Variants in CCDC175 observed in about 807,000 individuals in gnomAD.
CCDC175 encodes the protein coiled-coil domain containing 175.
Under a neutral mutation model 114.6 loss-of-function variants are expected in CCDC175, and 100 were observed. The observed-to-expected ratio is 0.87, with a 90% CI of 0.74 to 1.03. CCDC175 has a LOEUF of 1.03. Ranked by LOEUF, CCDC175 falls within the 50% of genes least tolerant of loss-of-function variation. The pLI, the probability that CCDC175 is intolerant of heterozygous loss-of-function variation, is 0.00. For synonymous variants in CCDC175, 306 were observed against 308.7 expected (o/e 0.99, Z 0.09); for missense variants, 880 against 917.8 (o/e 0.96, Z 0.53).
At chr14:59,526,549 C>A (rs1265543153) in intron 15 of CCDC175, among the ~76,000 whole-genome samples, 2 of 126,876 alleles carry the variant, frequency 1.6e-5, no homozygotes, top group African/African-American at 6.5e-5. Context: ...GAGTGAGACT[C>A]CATCTCAAAA....
intron 16 of CCDC175, among the ~76,000 whole-genome samples, chr14:59,522,917 T>G (rs1056329517): frequency 6.6e-6 from 1 of 152,208 alleles, no homozygotes; most frequent in African/African-American, 2.4e-5. Context: ...ATCTTACTTA[T>G]CTCTGTATTT....
intron 13 of CCDC175, among the ~76,000 whole-genome samples, chr14:59,532,382 G>C (rs1361993880): frequency 2.6e-5 from 4 of 152,222 alleles, no homozygotes; most frequent in African/African-American, 4.8e-5. Context: ...GAAGATGCCT[G>C]CCTACTTATT....
intron 17 of CCDC175, among the ~76,000 whole-genome samples, chr14:59,516,946 C>A (rs1161121023): frequency 6.6e-6 from 1 of 152,204 alleles, no homozygotes; most frequent in Admixed American, 6.5e-5. Flanking sequence ...CCGAATCCAG[C>A]AGCACATCAA....
chr14:59,511,882 GTT>G, intron 17 of CCDC175, 79 bp from the exon 18 acceptor site: 1 of 1,110,414 alleles, frequency 9.0e-7, no homozygotes, highest in Non-Finnish European at 1.3e-6. Context: ...ATTCATTTTT[GTT>G]TTTTCAAAAA....
In CCDC175 at chr14:59,543,411, G is replaced by T; in HGVS notation, c.1216C>A (p.Leu406Met). 1 of 1,473,370 alleles carries T rather than the reference G, an allele frequency of 6.8e-7. No homozygotes were observed. 91.3% of individuals were successfully genotyped at this position (1,473,370 alleles called of 1,614,324 possible). Residue 406 changes from leucine to methionine, a missense_variant, in exon 10 of 20, where the codon CTG becomes ATG. Transcript: ENST00000537690. ...TTGATGTCTACTCTCTTTTGTGACA[G>T]AAAGTATTCTTTCTGAGAAATAAAT... Reference protein sequence around the residue: ...LTFISQKEYFLSQKRVDIKNM... With the variant: ...LTFISQKEYFMSQKRVDIKNM...
In CCDC175 at chr14:59,563,796, A is replaced by G; in HGVS notation, c.784T>C (p.Leu262=). 3 of 1,436,188 alleles carry G rather than the reference A, an allele frequency of 2.1e-6. No homozygotes were observed. Among genetic ancestry groups the G allele is most frequent in the Non-Finnish European group, 2.7e-6 (3 of 1,093,568 alleles). 89.0% of individuals were successfully genotyped at this position (1,436,188 alleles called of 1,614,324 possible). ...GACATTTTAGTTTGTAATTTATCCAATTCTTTCTTCTTTTGATAAGTCTCC... is the reference window on the plus strand; with the variant it reads ...GACATTTTAGTTTGTAATTTATCCAGTTCTTTCTTCTTTTGATAAGTCTCC... The part of the protein sequence containing the change: ...RMETYQKKKE[L]DKLQTKMSKI... The change falls in exon 6 of 20, where the codon TTG becomes CTG. Residue 262 remains leucine, a synonymous_variant. Coordinates refer to ENST00000537690, the MANE Select transcript of CCDC175 (RefSeq NM_001164399.2).
chr14:59,568,512 T>G (rs758676696), intron 3 of CCDC175, 132 bp from the exon 4 acceptor site: 9 of 692,604 alleles, frequency 1.3e-5, no homozygotes, highest in Non-Finnish European at 2.0e-5. Context: ...TCTTACTCCC[T>G]TGGTCCCTCT....
intron 1 of CCDC175, among the ~76,000 whole-genome samples, chr14:59,575,692 T>C (rs1897077256): frequency 6.6e-6 from 1 of 152,094 alleles, no homozygotes; most frequent in African/African-American, 2.4e-5. Context: ...GTATTTTTAG[T>C]AGAGACGGGG....
intron 7 of CCDC175, among the ~76,000 whole-genome samples, chr14:59,560,606 A>G (rs1006173344): frequency 3.9e-5 from 6 of 152,170 alleles, no homozygotes; most frequent in Admixed American, 3.9e-4. Context: ...GGAGTAAAAC[A>G]CTTCCACAAA....
At chr14:59,531,658 G>C in intron 14 of CCDC175, 114 bp downstream of exon 14, 1 of 704,480 alleles carries the variant, frequency 1.4e-6, no homozygotes, top group Admixed American at 3.7e-5. Context: ...AGGTAATGGG[G>C]AAAGTTTGGT....
intron 7 of CCDC175, among the ~76,000 whole-genome samples, chr14:59,560,503 T>C (rs992136058): frequency 6.6e-5 from 10 of 152,114 alleles, no homozygotes; most frequent in African/African-American, 2.2e-4. Context: ...TTAAAGATTG[T>C]TGGACCTGTG....
chr14:59,563,659 G>T, intron 6 of CCDC175, 78 bp downstream of exon 6: 1 of 879,724 alleles, frequency 1.1e-6, no homozygotes, highest in Non-Finnish European at 1.5e-6. Flanking sequence ...ATGACATGAA[G>T]ATGAATTACA....
At chr14:59,510,500 G>GT in intron 19 of CCDC175, 146 bp downstream of exon 19, 1 of 794,536 alleles carries the variant, frequency 1.3e-6, no homozygotes. Context: ...CCCCAAATAA[G>GT]TATCAATGTT....
chr14:59,530,406 G>A (rs1893997777), intron 14 of CCDC175, among the ~76,000 whole-genome samples: 1 of 136,488 alleles, frequency 7.3e-6, no homozygotes, highest in African/African-American at 2.7e-5. Flanking sequence ...AAGAGACAGA[G>A]AGAGAGAGAA....
In CCDC175 at chr14:59,568,246, C is replaced by T. The variant is rs17834244; in HGVS notation, c.490G>A (p.Gly164Arg). The T allele has an allele frequency of 0.022, 33,455 of 1,527,520 alleles. 461 individuals are homozygous for T. The highest frequency in any genetic ancestry group is 0.05 in the Middle Eastern group (296 of 5,950). The allele number at this position is 1,527,520 out of a possible 1,614,324, so 94.6% of individuals were successfully genotyped here. A position where few individuals can be genotyped will look rare whatever the true frequency, so the allele number is the denominator to read the frequency against. Residue 164 changes from glycine (G) to arginine (R), a missense_variant and splice_region_variant, in exon 4 of 20, where the codon GGG (glycine) becomes AGG (arginine). Transcript: ENST00000537690. ...AATACTGAATATAAGAATACCTACC[C>T]CAGAGCTTCATTATATTTTGTCAGG... is the stretch of plus-strand genomic sequence containing the variant. ...TDLTKYNEAL[G>R]EKQEELARKH...
intron 8 of CCDC175, among the ~76,000 whole-genome samples, chr14:59,549,654 A>T (rs1895333800): frequency 7.0e-6 from 1 of 142,766 alleles, no homozygotes; most frequent in Admixed American, 7.4e-5. Flanking sequence ...CCAGAGGCAG[A>T]GGTTGCAGTG....
intron 7 of CCDC175, among the ~76,000 whole-genome samples, chr14:59,559,112 C>T (rs781675642): frequency 6.6e-5 from 10 of 151,994 alleles, no homozygotes; most frequent in Non-Finnish European, 1.0e-4. Context: ...ACCACGTTGG[C>T]GCAAAAAAGC....
intron 17 of CCDC175, among the ~76,000 whole-genome samples, chr14:59,515,755 C>G (rs1479398241): frequency 6.6e-6 from 1 of 152,158 alleles, no homozygotes; most frequent in African/African-American, 2.4e-5. Flanking sequence ...TTAGACAGAT[C>G]AATGAGACAG....
intron 4 of CCDC175, among the ~76,000 whole-genome samples, chr14:59,567,587 T>C (rs1896633127): frequency 6.6e-6 from 1 of 152,252 alleles, no homozygotes; most frequent in Admixed American, 6.5e-5. Context: ...TCTTTCAGAA[T>C]ATATCTCTTC....
Sources: gnomAD v4.1 joint callset for allele counts (sites outside exome capture counted in the v4.1 genomes callset) on GRCh38, gnomAD v4.1.1 for gene constraint, MANE v1.5 for transcripts, NCBI Gene and HGNC (gene_info 2026-07-23, HGNC 2026-07-21) for gene names.